The following CDKN2B-AS1 variants were observed in gnomAD, a reference collection of about 807,000 sequenced individuals.
CDKN2B-AS1 encodes CDKN2B antisense RNA 1 (non-protein coding).
intron 4 of CDKN2B-AS1, among the ~76,000 whole-genome samples, chr9:22,095,293 C>T (rs1448214030): frequency 6.9e-6 from 1 of 144,678 alleles, no homozygotes; most frequent in African/African-American, 2.9e-5. Context: ...TGTCCATTCT[C>T]AGATCTCAAA....
intron 4 of CDKN2B-AS1, among the ~76,000 whole-genome samples, chr9:22,064,946 C>G (rs1348738356): frequency 2.0e-5 from 3 of 152,146 alleles, no homozygotes; most frequent in Non-Finnish European, 2.9e-5. Flanking sequence ...TTTAACAACT[C>G]TAAATTACGA....
At chr9:22,038,394 A>G (rs1822772873) in intron 1 of CDKN2B-AS1, among the ~76,000 whole-genome samples, 2 of 151,954 alleles carry the variant, frequency 1.3e-5, no homozygotes, top group Admixed American at 6.6e-5. Context: ...AAGCTTAACT[A>G]TTTTGCCAGC....
chr9:22,038,939 T>C (rs1398511925), intron 1 of CDKN2B-AS1, among the ~76,000 whole-genome samples: 1 of 152,056 alleles, frequency 6.6e-6, no homozygotes, highest in Non-Finnish European at 1.5e-5. Context: ...CTTGATTATA[T>C]TGGAGTGGAA....
intron 4 of CDKN2B-AS1, among the ~76,000 whole-genome samples, chr9:22,111,601 T>G (rs1440354371): frequency 6.6e-6 from 1 of 152,198 alleles, no homozygotes; most frequent in African/African-American, 2.4e-5. Context: ...ACATTTTTCC[T>G]TTAGGAATAT....
chr9:22,114,224 T>C (rs1450560523), intron 4 of CDKN2B-AS1, among the ~76,000 whole-genome samples: 1 of 152,236 alleles, frequency 6.6e-6, no homozygotes, highest in Non-Finnish European at 1.5e-5. Context: ...TTCCCTCTTA[T>C]ACCTGGTCAA....
At chr9:22,036,076 T>G (rs1184713357) in intron 1 of CDKN2B-AS1, among the ~76,000 whole-genome samples, 1 of 152,104 alleles carries the variant, frequency 6.6e-6, no homozygotes, top group East Asian at 1.9e-4. Flanking sequence ...TTTCTTTTTC[T>G]CTCTCCTTTC....
intron 1 of CDKN2B-AS1, among the ~76,000 whole-genome samples, chr9:22,023,916 A>G (rs1257798927): frequency 6.6e-6 from 1 of 152,146 alleles, no homozygotes; most frequent in African/African-American, 2.4e-5. Flanking sequence ...TCCTATCCAT[A>G]TTCTGAATTC....
chr9:22,052,636 C>G (rs1376580456), intron 3 of CDKN2B-AS1, among the ~76,000 whole-genome samples: 1 of 152,160 alleles, frequency 6.6e-6, no homozygotes, highest in Non-Finnish European at 1.5e-5. Flanking sequence ...CATCAAAACT[C>G]GTAGAATTTG....
chr9:22,047,687 T>G (rs1823165949), intron 2 of CDKN2B-AS1, among the ~76,000 whole-genome samples: 1 of 152,190 alleles, frequency 6.6e-6, no homozygotes, highest in African/African-American at 2.4e-5. Flanking sequence ...ATACAAAGAC[T>G]ATAGAACCAA....
chr9:22,024,881 C>T (rs780032672), intron 1 of CDKN2B-AS1, among the ~76,000 whole-genome samples: 1 of 152,178 alleles, frequency 6.6e-6, no homozygotes, highest in Admixed American at 6.5e-5. Context: ...AGAAGCTATT[C>T]TGTGGGCCAC....
At chr9:22,091,238 T>C (rs1448694044) in intron 4 of CDKN2B-AS1, among the ~76,000 whole-genome samples, 5 of 152,192 alleles carry the variant, frequency 3.3e-5, no homozygotes, top group South Asian at 2.1e-4. Flanking sequence ...AGTCTTGTAG[T>C]ATAGTTTGAA....
chr9:22,108,358 A>G (rs965622328), intron 4 of CDKN2B-AS1, among the ~76,000 whole-genome samples: 85 of 152,314 alleles, frequency 5.6e-4, no homozygotes, highest in African/African-American at 2.0e-3. Context: ...AACGGTTTGA[A>G]CACTTGTCTA....
chr9:22,108,386 T>TTCAATAAGTAGTTATTGGTGAGATCGGG (rs1336609682), intron 4 of CDKN2B-AS1, among the ~76,000 whole-genome samples: 1 of 152,210 alleles, frequency 6.6e-6, no homozygotes, highest in African/African-American at 2.4e-5. Context: ...TGCTTGGTCA[T>TTCAATAAGTAGTTATTGGTGAGATCGGG]TCAATAAGTA....
In CDKN2B-AS1 at chr9:21,995,159, T is replaced by C. The variant is rs1820586759; in HGVS notation, n.27T>C. 6.6e-6 allele frequency: 1 copy of C among 152,180 alleles called. No individual in the cohort carries two copies. The highest frequency in any genetic ancestry group is 1.5e-5 in the Non-Finnish European group (1 of 68,044). 9.4% of individuals were successfully genotyped at this position (152,180 alleles called of 1,614,324 possible). ...CTGTCGACCCGGCCTGGCGCCGGAC[T>C]AGGTAGGTGGAGTCGCACCCGGGGG... On this transcript the variant is annotated splice_region_variant and non_coding_transcript_exon_variant, in exon 1 of 5. Transcript: ENST00000650946. The surrounding 1 kb of genome is among the most constrained non-coding windows in gnomAD (Gnocchi z 5.7).
At chr9:22,123,958 A>C (rs982376338) in intron 4 of CDKN2B-AS1, among the ~76,000 whole-genome samples, 1 of 152,214 alleles carries the variant, frequency 6.6e-6, no homozygotes, top group Non-Finnish European at 1.5e-5. Context: ...AATATAAATA[A>C]AAACAAAGCA....
upstream of CDKN2B-AS1, chr9:21,994,801 G>C: frequency 6.0e-6 from 1 of 168,004 alleles, no homozygotes; most frequent in East Asian, 1.5e-4. Flanking sequence ...AGCTACATCC[G>C]TCACCTGACA....
At chr9:22,105,792 T>A (rs1443570725) in intron 4 of CDKN2B-AS1, among the ~76,000 whole-genome samples, 2 of 152,230 alleles carry the variant, frequency 1.3e-5, no homozygotes, top group Non-Finnish European at 2.9e-5. Context: ...TCAAGTGTGA[T>A]AAAGACAGCA....
intron 4 of CDKN2B-AS1, among the ~76,000 whole-genome samples, chr9:22,114,358 C>A (rs915024771): frequency 2.0e-5 from 3 of 152,120 alleles, no homozygotes; most frequent in Non-Finnish European, 2.9e-5. Flanking sequence ...TGTGTTAGTT[C>A]AGGTCCTCTG....
chr9:22,125,414 T>G (rs1818002188), intron 4 of CDKN2B-AS1, among the ~76,000 whole-genome samples: 1 of 152,254 alleles, frequency 6.6e-6, no homozygotes, highest in Non-Finnish European at 1.5e-5. Flanking sequence ...TTCCAACTTG[T>G]GTATGACACT....
Sources: gnomAD v4.1 joint callset for allele counts (sites outside exome capture counted in the v4.1 genomes callset) on GRCh38, gnomAD v4.1.1 for gene constraint, Gnocchi (gnomAD v3.1) non-coding constraint, MANE v1.5 for transcripts, NCBI Gene and HGNC (gene_info 2026-07-23, HGNC 2026-07-21) for gene names.